TMEM260: variants seen among roughly 807,000 people sequenced by gnomAD.
TMEM260 encodes the protein protein O-mannosyl-transferase TMEM260.
TMEM260 carries 82 observed loss-of-function variants against 88.9 expected under a neutral mutation model. That is an observed-to-expected ratio of 0.92 (90% CI 0.77 to 1.11). The LOEUF (loss-of-function observed/expected upper bound fraction) is 1.11. TMEM260 is among the 50% of genes least tolerant of loss of function. TMEM260 has a pLI of 0.00. For missense variants in TMEM260, 902 were observed against 853.4 expected, an observed-to-expected ratio of 1.06 and a Z score of -0.71; for synonymous variants, 314 against 309.3, an observed-to-expected ratio of 1.02 and a Z score of -0.16.
chr14:56,634,047 A>T (rs1396671330), intron 13 of TMEM260, among the ~76,000 whole-genome samples: 3 of 152,360 alleles, frequency 2.0e-5, no homozygotes, highest in Admixed American at 6.5e-5. Context: ...AGAACAGCTG[A>T]CAACTAGTAC....
chr14:56,619,553 T>C (rs1335190014), intron 10 of TMEM260: 2 of 152,200 alleles, frequency 1.3e-5, no homozygotes, highest in Admixed American at 6.5e-5. Flanking sequence ...AAAATCTGTT[T>C]AATAACCATT....
chr14:56,628,699 C>T (rs1888389957), intron 12 of TMEM260, among the ~76,000 whole-genome samples: 1 of 151,840 alleles, frequency 6.6e-6, no homozygotes, highest in Non-Finnish European at 1.5e-5. Flanking sequence ...CTTTTTTCAT[C>T]CTTTTGTTTC....
At chr14:56,642,604 G>A (rs1208172043) in intron 15 of TMEM260, among the ~76,000 whole-genome samples, 2 of 151,872 alleles carry the variant, frequency 1.3e-5, no homozygotes, top group Non-Finnish European at 1.5e-5. Flanking sequence ...AAGAGCTAGA[G>A]AAGCAAGAGC....
At chr14:56,580,758 A>G (rs1366916257) in intron 1 of TMEM260, among the ~76,000 whole-genome samples, 2 of 152,132 alleles carry the variant, frequency 1.3e-5, no homozygotes, top group Admixed American at 1.3e-4. Context: ...AATCACACTA[A>G]TTGTTTTGTA....
chr14:56,632,167 G>T (rs540500541), intron 12 of TMEM260, among the ~76,000 whole-genome samples: 9 of 152,278 alleles, frequency 5.9e-5, no homozygotes, highest in African/African-American at 1.9e-4. Context: ...TCTCCTTTCT[G>T]TGGTCACCCC....
chr14:56,596,381 A>AGAGAGT (rs1555334739), intron 3 of TMEM260, among the ~76,000 whole-genome samples: 26 of 126,594 alleles, frequency 2.1e-4, no homozygotes, highest in East Asian at 7.1e-4. Flanking sequence ...TATATGTGAG[A>AGAGAGT]GTGTGTGTGT....
Position 56,633,135 on chromosome 14 carries a change from C to T in TMEM260, c.1688C>T (p.Thr563Ile), listed in dbSNP as rs545049834. The T allele has an allele frequency of 1.2e-6, 2 of 1,612,650 alleles. No individual in the cohort carries two copies. The highest frequency in any genetic ancestry group is 8.5e-7 in the Non-Finnish European group (1 of 1,179,450). ...AACCCTGAGGAATGGATTAAACTTA[C>T]AAAAAGTATCTATAACTGGACCGAA... ...VFNPEEWIKL[T>I]KSIYNWTEEY... The change falls in exon 13 of 16, where the codon ACA (threonine) becomes ATA (isoleucine). Residue 563 changes from threonine to isoleucine, a missense_variant. Thr to Ile is a moderately conservative substitution (Grantham distance 89). Transcript: ENST00000261556.
intron 10 of TMEM260, chr14:56,619,213 C>T (rs545804930): frequency 2.5e-5 from 4 of 159,520 alleles, no homozygotes; most frequent in South Asian, 3.5e-4. Context: ...ATTCTGTCCC[C>T]TAGGCTGGAG....
At chr14:56,614,158 C>T (rs560031048) in intron 7 of TMEM260, among the ~76,000 whole-genome samples, 2 of 150,904 alleles carry the variant, frequency 1.3e-5, no homozygotes, top group South Asian at 4.2e-4. Context: ...ATCCACCTGC[C>T]TCGGCCTCCC....
chr14:56,597,298 G>A (rs1346037983), intron 3 of TMEM260, among the ~76,000 whole-genome samples: 1 of 152,162 alleles, frequency 6.6e-6, no homozygotes, highest in Non-Finnish European at 1.5e-5. Context: ...TTTCTAATTA[G>A]AAATGTTCAA....
At chr14:56,637,691 T>G (rs1205934718) in intron 15 of TMEM260, among the ~76,000 whole-genome samples, 1 of 152,246 alleles carries the variant, frequency 6.6e-6, no homozygotes, top group Non-Finnish European at 1.5e-5. Flanking sequence ...GACAAGTGTT[T>G]GGTGCTAAGA....
In TMEM260 at chr14:56,633,089, GT is replaced by G. The variant is rs1351329464; in HGVS notation, c.1644del (p.Pro549LeufsTer46). 6.2e-6 allele frequency: 10 copies of G among 1,613,732 alleles called. No individual in the cohort carries two copies. The highest frequency in any genetic ancestry group is 2.5e-6 in the Non-Finnish European group (3 of 1,179,888). ...LWPWGSCDKL[V>X]PLEIVFNPEE... is the part of the protein sequence containing the mutation. Reference sequence around the variant, plus strand: ...GCCATGGGGGTCTTGTGACAAATTAGTTCCTTTGGAGATTGTATTCAACCCT... The same window carrying G: ...GCCATGGGGGTCTTGTGACAAATTAGTCCTTTGGAGATTGTATTCAACCCT... On this transcript the variant is annotated frameshift_variant, in exon 13 of 16. Transcript: ENST00000261556. LOFTEE classifies it high-confidence loss of function.
intron 5 of TMEM260, 58 bp downstream of exon 5, chr14:56,605,741 AT>A: frequency 9.5e-7 from 1 of 1,048,944 alleles, no homozygotes. Context: ...CTAATATAAC[AT>A]TTTTGTCATG....
chr14:56,622,360 A>AG (rs1210824032), intron 11 of TMEM260, among the ~76,000 whole-genome samples: 3 of 151,604 alleles, frequency 2.0e-5, no homozygotes, highest in African/African-American at 7.3e-5. Flanking sequence ...AAAAAAAAAA[A>AG]AAAAATTGTT....
chr14:56,640,885 G>A, intron 15 of TMEM260, among the ~76,000 whole-genome samples: 1 of 152,190 alleles, frequency 6.6e-6, no homozygotes, highest in African/African-American at 2.4e-5. Flanking sequence ...TCAACTGGAA[G>A]AAAGGGTATC....
intron 12 of TMEM260, among the ~76,000 whole-genome samples, chr14:56,626,150 C>T (rs573688620): frequency 2.0e-5 from 3 of 152,238 alleles, no homozygotes; most frequent in Non-Finnish European, 4.4e-5. Flanking sequence ...ACACTTATTT[C>T]ATGATTTATT....
chr14:56,605,523 T>G (rs759693047), intron 4 of TMEM260, 47 bp from the exon 5 acceptor site: 3 of 1,093,512 alleles, frequency 2.7e-6, no homozygotes, highest in Admixed American at 2.4e-5. Context: ...GTTCTTAGAG[T>G]TTTAGGTGAA....
rs1566524268 is a variant in TMEM260 at position 56,585,044 on chromosome 14, T to C, written c.192+12T>C. On this transcript the variant is annotated intron_variant, in intron 2 of 15. Transcript: ENST00000261556. ...CACATGAGCTTGGAGTAAGTATTAGTTTTATTGTTTAATCAATGCTCTCAT... is the reference window on the plus strand; with the variant it reads ...CACATGAGCTTGGAGTAAGTATTAGCTTTATTGTTTAATCAATGCTCTCAT... 3.1e-6 allele frequency: 5 copies of C among 1,610,068 alleles called. No individual in the cohort carries two copies. The highest frequency in any genetic ancestry group is 1.7e-5 in the Admixed American group (1 of 59,466).
rs1475327597 is a variant in TMEM260, at chr14:56,633,148, T to C, written c.1701T>C (p.Tyr567=). The change falls in exon 13 of 16, where the codon TAT becomes TAC. Residue 567 remains tyrosine, a synonymous_variant. Transcript: ENST00000261556. ...GGATTAAACTTACAAAAAGTATCTA[T>C]AACTGGACCGAAGAATATGGAAGGT... ...EEWIKLTKSI[Y]NWTEEYGRFD... The C allele has an allele frequency of 1.9e-6, 3 of 1,612,512 alleles. No individual in the cohort carries two copies. The highest frequency in any genetic ancestry group is 2.5e-6 in the Non-Finnish European group (3 of 1,179,310).
Sources: gnomAD v4.1 joint callset for allele counts (sites outside exome capture counted in the v4.1 genomes callset) on GRCh38, gnomAD v4.1.1 for gene constraint, MANE v1.5 for transcripts, NCBI Gene and HGNC (gene_info 2026-07-23, HGNC 2026-07-21) for gene names.